STK3: variants seen among roughly 807,000 people sequenced by gnomAD.
The protein encoded by STK3 is serine/threonine kinase 3, also known as serine/threonine-protein kinase 3.
In STK3, 41 loss-of-function variants were observed where a neutral mutation model predicts 58.0. The observed-to-expected ratio is 0.71, with a 90% CI of 0.55 to 0.92. STK3 has a LOEUF of 0.92. Among genes scored for constraint, STK3 ranks in the 40% least tolerant of loss-of-function variants. STK3 has a pLI of 0.00. For missense variants in STK3, 479 were observed against 602.7 expected, an observed-to-expected ratio of 0.79 and a Z score of 2.15; for synonymous variants, 170 against 191.0, an observed-to-expected ratio of 0.89 and a Z score of 0.91.
chr8:98,697,861 T>C (rs1020569821), intron 6 of STK3, among the ~76,000 whole-genome samples: 5 of 152,236 alleles, frequency 3.3e-5, no homozygotes, highest in Admixed American at 6.5e-5. Flanking sequence ...TGGAGAGTTC[T>C]GTAGATGTCT....
chr8:98,882,648 C>G (rs1837841107), downstream of STK3: 1 of 152,246 alleles, frequency 6.6e-6, no homozygotes, highest in Admixed American at 6.5e-5. Flanking sequence ...AACTCCTGAC[C>G]TCAGGTGATC....
upstream of STK3, among the ~76,000 whole-genome samples, chr8:98,391,935 C>G (rs1817851549): frequency 6.6e-6 from 1 of 152,136 alleles, no homozygotes; most frequent in African/African-American, 2.4e-5. Flanking sequence ...GATAGTTCCC[C>G]CTTTTTATCC....
chr8:98,825,510 G>A lies in STK3; in HGVS notation c.26+5C>T, dbSNP rs764259571. 1 of 1,457,146 alleles carries A rather than the reference G, an allele frequency of 6.9e-7. No individual in the cohort carries two copies. Among genetic ancestry groups the A allele is most frequent in the South Asian group, 1.3e-5 (1 of 77,266 alleles). The allele number at this position is 1,457,146 out of a possible 1,614,324, so 90.3% of individuals were successfully genotyped here. ...CCTCCTTCTTCCCGCTCCCCGATTC[G>A]TTACCTCTTAGGCGCCGGCGGCTGC... On this transcript the variant is annotated splice_donor_5th_base_variant and intron_variant, in intron 1 of 10. Coordinates refer to ENST00000419617, the MANE Select transcript of STK3 (RefSeq NM_006281.4).
At chr8:98,803,284 C>A (rs909232182) in intron 1 of STK3, among the ~76,000 whole-genome samples, 26 of 151,792 alleles carry the variant, frequency 1.7e-4, no homozygotes, top group Admixed American at 1.7e-3. Context: ...ATAAACTGGC[C>A]ACGGCAATCA....
At chr8:98,585,842 T>G (rs1295332701) in intron 7 of STK3, among the ~76,000 whole-genome samples, 1 of 151,840 alleles carries the variant, frequency 6.6e-6, no homozygotes, top group Non-Finnish European at 1.5e-5. Context: ...CTAGGTATTT[T>G]ATTCTCTTTG....
chr8:98,869,199 T>C (rs1394600996), intron 3 of STK3, among the ~76,000 whole-genome samples: 2 of 152,118 alleles, frequency 1.3e-5, no homozygotes, highest in African/African-American at 4.8e-5. Flanking sequence ...GGCTGGTGGA[T>C]CACTCGAGCC....
At chr8:98,450,630 TA>T (rs2131119105), downstream of STK3, among the ~76,000 whole-genome samples, 1 of 152,324 alleles carries the variant, frequency 6.6e-6, no homozygotes, top group Non-Finnish European at 1.5e-5. Context: ...CATTATCATT[TA>T]CAACAAAACA....
At chr8:98,767,077 C>T (rs1830994839) in intron 3 of STK3, among the ~76,000 whole-genome samples, 166 bp downstream of exon 3, 1 of 152,002 alleles carries the variant, frequency 6.6e-6, no homozygotes, top group African/African-American at 2.4e-5. Context: ...GCCGAGATGG[C>T]GCCATTGCAC....
At chr8:98,761,855 A>G (rs1378426139) in intron 3 of STK3, among the ~76,000 whole-genome samples, 1 of 152,182 alleles carries the variant, frequency 6.6e-6, no homozygotes, top group Admixed American at 6.5e-5. Flanking sequence ...TATTTGCCTC[A>G]GAAACAGTGT....
downstream of STK3, among the ~76,000 whole-genome samples, chr8:98,450,750 T>C (rs1339037669): frequency 2.0e-5 from 3 of 152,344 alleles, no homozygotes; most frequent in Middle Eastern, 3.4e-3. Context: ...ATCCTTTTTC[T>C]ACATGTAGGA....
At chr8:98,522,904 C>T (rs948127306) in intron 10 of STK3, among the ~76,000 whole-genome samples, 1 of 152,130 alleles carries the variant, frequency 6.6e-6, no homozygotes, top group Admixed American at 6.5e-5. Context: ...AACAATATTC[C>T]ATTTTATGTA....
chr8:98,902,695 C>T (rs1257453539), intron 1 of STK3, among the ~76,000 whole-genome samples: 1 of 152,214 alleles, frequency 6.6e-6, no homozygotes, highest in East Asian at 1.9e-4. Context: ...CATTTAAAAA[C>T]ATAGTAAATG....
chr8:98,397,399 G>C (rs1205440468), downstream of STK3, among the ~76,000 whole-genome samples: 1 of 152,108 alleles, frequency 6.6e-6, no homozygotes, highest in African/African-American at 2.4e-5. Flanking sequence ...TGAGGGGGCG[G>C]ATAGCAGGTG....
At chr8:98,891,173 T>C (rs879791763) in intron 1 of STK3, among the ~76,000 whole-genome samples, 6 of 152,234 alleles carry the variant, frequency 3.9e-5, no homozygotes, top group Non-Finnish European at 7.3e-5. Flanking sequence ...GCTGCGCCTT[T>C]TGCAGCTCAG....
intron 6 of STK3, among the ~76,000 whole-genome samples, chr8:98,610,012 T>C (rs545501465): frequency 6.6e-6 from 1 of 151,288 alleles, no homozygotes; most frequent in South Asian, 2.1e-4. Flanking sequence ...GATAAACTAA[T>C]TGCATGTATT....
In STK3 at chr8:98,893,461, A is replaced by G. The variant is rs1316456461; in HGVS notation, c.-78-9627T>C. 5.5e-5 allele frequency among the ~76,000 whole-genome samples: 6 copies of G among 108,568 alleles called. No homozygotes were observed. In the East Asian group the frequency reaches 1.3e-3, roughly 24 times the overall value. 71.2% of individuals were successfully genotyped at this position (108,568 alleles called of 152,430 possible). The stretch of plus-strand genomic sequence containing the variant: ...AAGAAAGAAAGAAAGAAAGAAAGAA[A>G]GAAAGAAAGAAAGAAAGAAAGAAAG... On this transcript the variant is annotated intron_variant, in intron 1 of 1. Transcript: ENST00000519420.
At chr8:98,556,418 G>A (rs1218146785) in intron 8 of STK3, among the ~76,000 whole-genome samples, 1 of 152,048 alleles carries the variant, frequency 6.6e-6, no homozygotes, top group East Asian at 1.9e-4. Context: ...TGGGTAGAAA[G>A]AACAAACAAC....
downstream of STK3, among the ~76,000 whole-genome samples, chr8:98,368,346 C>T (rs1563585248): frequency 1.3e-5 from 2 of 152,234 alleles, no homozygotes; most frequent in South Asian, 2.1e-4. Flanking sequence ...TGCAGTTTCT[C>T]AAAAGTGGGT....
At chr8:98,619,221 T>A (rs1381720539) in intron 6 of STK3, among the ~76,000 whole-genome samples, 1 of 149,656 alleles carries the variant, frequency 6.7e-6, no homozygotes, top group African/African-American at 2.5e-5. Context: ...GGGAAAGGAT[T>A]CCCTATTTAA....
Sources: allele counts gnomAD v4.1 joint callset (sites outside exome capture counted in the v4.1 genomes callset), GRCh38; gene constraint gnomAD v4.1.1; transcripts MANE v1.5; gene names NCBI Gene and HGNC (gene_info 2026-07-23, HGNC 2026-07-21).